The following WDR72 variants were observed in gnomAD, a reference collection of about 807,000 sequenced individuals.
WDR72 encodes the protein WD repeat domain 72.
WDR72 carries 120 observed loss-of-function variants against 124.2 expected under a neutral mutation model. The observed-to-expected ratio is 0.97, with a 90% CI of 0.83 to 1.12. The LOEUF (loss-of-function observed/expected upper bound fraction) is 1.12, where lower values mean the gene tolerates loss of function less well. Ranked by LOEUF, WDR72 falls within the 50% of genes most tolerant of loss-of-function variation. The pLI is 0.00. For synonymous variants in WDR72, 452 were observed against 441.7 expected, an observed-to-expected ratio of 1.02 and a Z score of -0.29; for missense variants, 1,387 against 1,278.8, an observed-to-expected ratio of 1.08 and a Z score of -1.29.
At chr15:53,716,357 A>C (rs1357755328) in intron 4 of WDR72, among the ~76,000 whole-genome samples, 2 of 152,206 alleles carry the variant, frequency 1.3e-5, no homozygotes, top group Non-Finnish European at 2.9e-5. Flanking sequence ...ATATATGGAA[A>C]TTGTCTTTCA....
chr15:53,517,571 T>C lies in WDR72; in HGVS notation c.*128A>G. 1.1e-6 allele frequency: 1 copy of C among 930,044 alleles called. No homozygotes were observed. Among genetic ancestry groups the C allele is most frequent in the Non-Finnish European group, 1.8e-6 (1 of 568,886 alleles). The allele number at this position is 930,044 out of a possible 1,614,324, so 57.6% of individuals were successfully genotyped here. A position where few individuals can be genotyped will look rare whatever the true frequency, so the allele number is the denominator to read the frequency against. On this transcript the variant is annotated 3_prime_UTR_variant, in exon 20 of 20. Coordinates refer to ENST00000360509, the MANE Select transcript of WDR72 (RefSeq NM_182758.4). ...TCACTTTAATACATGTTGGCTAAAG[T>C]ATTAGCAAATCCACTACAGCCTAAT...
chr15:53,528,833 T>C (rs1365141032), intron 18 of WDR72, among the ~76,000 whole-genome samples: 1 of 151,986 alleles, frequency 6.6e-6, no homozygotes, highest in Non-Finnish European at 1.5e-5. Flanking sequence ...TGTTTAAACA[T>C]TGCTGTATTC....
In WDR72 at chr15:53,646,806, TA is replaced by T. The variant is rs201891252; in HGVS notation, c.1962+18765del. 4.9e-3 allele frequency among the ~76,000 whole-genome samples: 744 copies of T among 150,846 alleles called. 3 individuals are homozygous for T. The highest frequency in any genetic ancestry group is 0.014 in the African/African-American group (559 of 41,210). On this transcript the variant is annotated intron_variant, in intron 14 of 19. Coordinates refer to ENST00000360509, the MANE Select transcript of WDR72 (RefSeq NM_182758.4). The stretch of plus-strand genomic sequence containing the variant: ...CGTCAAATAAAAGCTCTGGGACAGT[TA>T]AAAAAAAATGGCAAGGAAAGTAAGG...
chr15:53,690,656 T>C (rs1391282583), intron 13 of WDR72, among the ~76,000 whole-genome samples: 3 of 152,218 alleles, frequency 2.0e-5, no homozygotes, highest in African/African-American at 7.2e-5. Context: ...TGTATGTGTA[T>C]ATTATGATTT....
intron 14 of WDR72, among the ~76,000 whole-genome samples, chr15:53,621,013 A>G (rs543621297): frequency 6.6e-6 from 1 of 152,310 alleles, no homozygotes; most frequent in Non-Finnish European, 1.5e-5. Flanking sequence ...AATTATCAAA[A>G]GAAGATATAA....
chr15:53,559,695 G>T (rs1320763586), intron 18 of WDR72, among the ~76,000 whole-genome samples: 1 of 151,918 alleles, frequency 6.6e-6, no homozygotes, highest in Non-Finnish European at 1.5e-5. Flanking sequence ...CATAAAGTTG[G>T]TGTTTAAAAC....
intron 2 of WDR72, among the ~76,000 whole-genome samples, chr15:53,724,015 T>C (rs2017949752): frequency 6.6e-6 from 1 of 152,124 alleles, no homozygotes; most frequent in African/African-American, 2.4e-5. Context: ...TGTGACAACA[T>C]GGATGGACAT....
chr15:53,549,179 A>C (rs1223343269), intron 18 of WDR72, among the ~76,000 whole-genome samples: 1 of 152,228 alleles, frequency 6.6e-6, no homozygotes, highest in East Asian at 1.9e-4. Context: ...AGGAAACAAC[A>C]ATAAAAGATA....
At chr15:53,644,489 T>G (rs952227052) in intron 14 of WDR72, among the ~76,000 whole-genome samples, 1 of 152,094 alleles carries the variant, frequency 6.6e-6, no homozygotes, top group Non-Finnish European at 1.5e-5. Context: ...CAAATATATG[T>G]CAACATTTGT....
rs1489415634 is a variant in WDR72, at chr15:53,655,259, A to AAAAG, written c.1962+10312_1962+10313insCTTT. ...AAAAAAAAAAAAAAAAAAAAAAAAA[A>AAAAG]AGAGATCTTAAAGACAATTTGTTAC... On this transcript the variant is annotated intron_variant, in intron 14 of 19. Transcript: ENST00000360509. 2.2e-4 allele frequency among the ~76,000 whole-genome samples: 26 copies of AAAAG among 119,520 alleles called. 1 individual carries two copies. Among genetic ancestry groups the AAAAG allele is most frequent in the East Asian group, 8.8e-4 (3 of 3,394 alleles). 78.4% of individuals were successfully genotyped at this position (119,520 alleles called of 152,430 possible).
chr15:53,761,475 A>C (rs1399418996), upstream of WDR72, among the ~76,000 whole-genome samples: 1 of 152,214 alleles, frequency 6.6e-6, no homozygotes, highest in African/African-American at 2.4e-5. Flanking sequence ...GGATATATAC[A>C]CAAAAGAAAA....
At chr15:53,624,076 G>C (rs1348874250) in intron 14 of WDR72, among the ~76,000 whole-genome samples, 2 of 152,130 alleles carry the variant, frequency 1.3e-5, no homozygotes, top group African/African-American at 4.8e-5. Context: ...CTGGCTATAA[G>C]ACATTTGTTG....
intron 18 of WDR72, among the ~76,000 whole-genome samples, chr15:53,554,805 A>G (rs1025851585): frequency 6.6e-6 from 1 of 152,188 alleles, no homozygotes; most frequent in African/African-American, 2.4e-5. Context: ...TTATTTTTAC[A>G]TAACCTCACT....
At chr15:53,559,172 TC>T (rs199900636) in intron 18 of WDR72, among the ~76,000 whole-genome samples, 39,876 of 150,162 alleles carry the variant, frequency 0.27, 5,776 homozygotes, top group African/African-American at 0.4. Flanking sequence ...CTTTTTTTTT[TC>T]ATTTTAGGAT....
intron 14 of WDR72, among the ~76,000 whole-genome samples, chr15:53,617,287 C>A (rs1192900326): frequency 6.6e-6 from 1 of 151,178 alleles, no homozygotes; most frequent in Non-Finnish European, 1.5e-5. Flanking sequence ...CATGTAAATA[C>A]AAATAAATGA....
chr15:53,654,050 C>G (rs949327414), intron 14 of WDR72, among the ~76,000 whole-genome samples: 2 of 152,188 alleles, frequency 1.3e-5, no homozygotes, highest in South Asian at 4.2e-4. Flanking sequence ...AGTTCTTTCC[C>G]AAGTATCACT....
intron 18 of WDR72, among the ~76,000 whole-genome samples, chr15:53,587,387 C>T (rs2012267320): frequency 6.6e-6 from 1 of 151,952 alleles, no homozygotes; most frequent in African/African-American, 2.4e-5. Context: ...CTGACAGAAT[C>T]ACCACACACA....
intron 14 of WDR72, among the ~76,000 whole-genome samples, chr15:53,631,962 G>A (rs2014446459): frequency 6.6e-6 from 1 of 152,192 alleles, no homozygotes; most frequent in African/African-American, 2.4e-5. Flanking sequence ...TGGAAAATCT[G>A]CAGCCCAGCC....
chr15:53,538,798 C>T (rs1166329346), intron 18 of WDR72, among the ~76,000 whole-genome samples: 2 of 152,068 alleles, frequency 1.3e-5, no homozygotes, highest in Non-Finnish European at 2.9e-5. Context: ...TGAATCAGAT[C>T]ACTGCATGGT....
Sources: allele counts gnomAD v4.1 joint callset (sites outside exome capture counted in the v4.1 genomes callset), GRCh38; gene constraint gnomAD v4.1.1; transcripts MANE v1.5; gene names NCBI Gene and HGNC (gene_info 2026-07-23, HGNC 2026-07-21).